Variants in CNTN4 observed in about 807,000 individuals in gnomAD.
The protein encoded by CNTN4 is contactin 4, also known as contactin-4.
Under a neutral mutation model 122.5 loss-of-function variants are expected in CNTN4, and 77 were observed. That is an observed-to-expected ratio of 0.63 (90% CI 0.52 to 0.76). The LOEUF (loss-of-function observed/expected upper bound fraction) is 0.76. Ranked by LOEUF, CNTN4 falls within the 30% of genes least tolerant of loss-of-function variation. CNTN4 has a pLI of 0.00. For synonymous variants in CNTN4, 512 were observed against 447.0 expected, an observed-to-expected ratio of 1.15 and a Z score of -1.83; for missense variants, 1,256 against 1,259.1, an observed-to-expected ratio of 1.00 and a Z score of 0.04.
intron 3 of CNTN4, among the ~76,000 whole-genome samples, chr3:2,356,382 C>G (rs1164823272): frequency 6.6e-6 from 1 of 152,182 alleles, no homozygotes; most frequent in East Asian, 1.9e-4. Flanking sequence ...TGGGCAATTC[C>G]TGGAACTGAG....
chr3:2,972,193 G>T (rs1178019510), intron 13 of CNTN4, among the ~76,000 whole-genome samples: 1 of 151,912 alleles, frequency 6.6e-6, no homozygotes, highest in Admixed American at 6.6e-5. Context: ...TATTATTCAG[G>T]TTACCTAATT....
intron 7 of CNTN4, among the ~76,000 whole-genome samples, chr3:2,829,384 G>T (rs1018998037): frequency 2.0e-5 from 3 of 152,110 alleles, no homozygotes; most frequent in African/African-American, 7.2e-5. Flanking sequence ...TAGGCCACTG[G>T]GAGGGAGTGC....
At chr3:2,115,954 T>G (rs2727904) in intron 2 of CNTN4, among the ~76,000 whole-genome samples, 1,921 of 152,316 alleles carry the variant, frequency 0.013, 33 homozygotes, top group African/African-American at 0.042. Context: ...CTTGGTCTTA[T>G]TAACTTTGGG....
intron 5 of CNTN4, among the ~76,000 whole-genome samples, chr3:2,744,095 G>A (rs553857504): frequency 7.9e-5 from 12 of 152,266 alleles, no homozygotes; most frequent in South Asian, 4.1e-4. Flanking sequence ...GATTACAGGC[G>A]TGAGCCACCG....
intron 3 of CNTN4, among the ~76,000 whole-genome samples, chr3:2,560,982 A>T (rs1473245290): frequency 6.6e-6 from 1 of 152,160 alleles, no homozygotes; most frequent in East Asian, 1.9e-4. Context: ...ACTCCCTTTT[A>T]GGCTACCAGT....
intron 2 of CNTN4, among the ~76,000 whole-genome samples, chr3:2,124,433 AAC>A (rs60760373): frequency 0.037 from 4,582 of 123,778 alleles, 89 homozygotes; most frequent in African/African-American, 0.071. Context: ...ATTTATTTAA[AAC>A]ACACACACAC....
At chr3:2,817,206 C>T (rs1268305324) in intron 6 of CNTN4, among the ~76,000 whole-genome samples, 2 of 152,206 alleles carry the variant, frequency 1.3e-5, no homozygotes, top group Non-Finnish European at 1.5e-5. Context: ...GGCACTAAAT[C>T]ACAGCATTCG....
At chr3:2,735,976 G>A in intron 4 of CNTN4, 1 of 630,146 alleles carries the variant, frequency 1.6e-6, no homozygotes, top group Non-Finnish European at 3.0e-6. Flanking sequence ...GCGCCTGGAA[G>A]TTGTTAGTAA....
intron 4 of CNTN4, among the ~76,000 whole-genome samples, chr3:2,616,025 T>TTG (rs2081712919): frequency 4.6e-5 from 7 of 151,908 alleles, no homozygotes; most frequent in Admixed American, 4.6e-4. Flanking sequence ...GCTGCCTTTT[T>TTG]TTTTTTTTTA....
chr3:2,703,527 C>G lies in CNTN4; in HGVS notation c.56-32688C>G, dbSNP rs147265736. Reference sequence around the variant, plus strand: ...CCCATGTGAAACAATCATAACAGTTCCTCATTATAAATGATATAGGGTACT... The same window carrying G: ...CCCATGTGAAACAATCATAACAGTTGCTCATTATAAATGATATAGGGTACT... On this transcript the variant is annotated intron_variant, in intron 4 of 24. Coordinates refer to ENST00000418658, the MANE Select transcript of CNTN4 (RefSeq NM_175607.3). Among the ~76,000 whole-genome samples the G allele has an allele frequency of 9.4e-3, 1,430 of 152,122 alleles. 6 individuals are homozygous for G. Among genetic ancestry groups the G allele is most frequent in the African/African-American group, 0.012 (504 of 41,488 alleles).
chr3:3,001,515 G>T (rs146358347), intron 14 of CNTN4, among the ~76,000 whole-genome samples: 2 of 152,170 alleles, frequency 1.3e-5, no homozygotes, highest in Non-Finnish European at 1.5e-5. Context: ...CCACAGACTT[G>T]TATTGTTTGG....
chr3:2,800,376 T>TA (rs976453470), intron 6 of CNTN4, among the ~76,000 whole-genome samples: 20 of 152,204 alleles, frequency 1.3e-4, no homozygotes, highest in African/African-American at 4.8e-4. Flanking sequence ...TATTATTTTT[T>TA]ATCCTGCAAG....
At chr3:2,933,517 T>C (rs775835805) in intron 13 of CNTN4, among the ~76,000 whole-genome samples, 6 of 152,176 alleles carry the variant, frequency 3.9e-5, no homozygotes, top group Non-Finnish European at 7.3e-5. Flanking sequence ...GAAAGCAGTG[T>C]TGCGTGACTC....
chr3:2,738,219 G>A (rs1576619705), intron 5 of CNTN4, among the ~76,000 whole-genome samples: 1 of 152,042 alleles, frequency 6.6e-6, no homozygotes, highest in Non-Finnish European at 1.5e-5. Context: ...GTAGAACACC[G>A]AGTCAAACAG....
chr3:2,115,256 G>C (rs1410512147), intron 2 of CNTN4, among the ~76,000 whole-genome samples: 1 of 152,210 alleles, frequency 6.6e-6, no homozygotes, highest in Non-Finnish European at 1.5e-5. Flanking sequence ...TACTGTGTCA[G>C]TGTCCTGGCC....
chr3:2,694,710 C>G (rs1470186234), intron 4 of CNTN4, among the ~76,000 whole-genome samples: 1 of 152,140 alleles, frequency 6.6e-6, no homozygotes, highest in Non-Finnish European at 1.5e-5. Flanking sequence ...GCCTGGGCAA[C>G]AGAGTGAGAC....
chr3:2,517,003 G>T (rs1378034914), intron 3 of CNTN4, among the ~76,000 whole-genome samples: 2 of 152,110 alleles, frequency 1.3e-5, no homozygotes, highest in East Asian at 3.9e-4. Flanking sequence ...AAGAGATGTG[G>T]TTTCATTCTG....
intron 14 of CNTN4, among the ~76,000 whole-genome samples, chr3:3,001,418 A>G (rs1180521744): frequency 6.6e-6 from 1 of 152,264 alleles, no homozygotes; most frequent in Non-Finnish European, 1.5e-5. Context: ...GAGGACAGGC[A>G]TGTTAGGAAA....
intron 14 of CNTN4, among the ~76,000 whole-genome samples, chr3:3,003,304 G>A (rs1341365497): frequency 6.6e-6 from 1 of 152,116 alleles, no homozygotes; most frequent in Non-Finnish European, 1.5e-5. Context: ...GTCCATAGAA[G>A]CATTATTCAT....
Sources: allele counts gnomAD v4.1 joint callset (sites outside exome capture counted in the v4.1 genomes callset), GRCh38; gene constraint gnomAD v4.1.1; transcripts MANE v1.5; gene names NCBI Gene and HGNC (gene_info 2026-07-23, HGNC 2026-07-21).